The following PIEZO2 variants were observed in gnomAD, a reference collection of about 807,000 sequenced individuals.
PIEZO2 encodes the protein piezo type mechanosensitive ion channel component 2, also known as piezo-type mechanosensitive ion channel component 2.
Under a neutral mutation model 337.3 loss-of-function variants are expected in PIEZO2, and 172 were observed. The ratio of observed to expected loss-of-function variants is 0.51; its 90% CI spans 0.45 to 0.58. The LOEUF (loss-of-function observed/expected upper bound fraction) is 0.58. Among genes scored for constraint, PIEZO2 ranks in the 20% least tolerant of loss-of-function variants. The pLI, the probability that PIEZO2 is intolerant of heterozygous loss-of-function variation, is 0.00. For missense variants in PIEZO2, 3,028 were observed against 3,391.3 expected (o/e 0.89, Z 2.66); for synonymous variants, 1,251 against 1,228.5 (o/e 1.02, Z -0.38).
chr18:10,736,677 G>T lies in PIEZO2; in HGVS notation c.4742C>A (p.Thr1581Lys). The change falls in exon 34 of 56, where the codon ACG becomes AAG. Residue 1581 changes from threonine (T) to lysine (K), a missense_variant. By Grantham distance (78) the Thr-to-Lys change is moderately conservative (BLOSUM62 -1). Around this residue, in one of 5 missense-constraint regions of PIEZO2, gnomAD observed 1,925 missense variants for 2,051.9 expected, o/e 0.94. Coordinates refer to ENST00000674853, the MANE Select transcript of PIEZO2 (RefSeq NM_001378183.1). ...VRSGDYYLFE[T>K]DSEEEEEEEL... ...TTCCTCTTCCTCCTCTTCACTATCC[G>T]TTTCAAACAAATAATAATCTCCACT... 6.5e-7 allele frequency: 1 copy of T among 1,536,656 alleles called. No homozygotes were observed. The highest frequency in any genetic ancestry group is 8.7e-7 in the Non-Finnish European group (1 of 1,146,646).
chr18:10,741,779 T>C (rs1454776549), intron 32 of PIEZO2, among the ~76,000 whole-genome samples: 1 of 152,180 alleles, frequency 6.6e-6, no homozygotes, highest in Non-Finnish European at 1.5e-5. Flanking sequence ...AAAATACACA[T>C]ACATATTTCA....
At chr18:10,970,918 G>T (rs1568252807) in intron 3 of PIEZO2, among the ~76,000 whole-genome samples, 2 of 152,156 alleles carry the variant, frequency 1.3e-5, no homozygotes, top group South Asian at 4.1e-4. Context: ...CATAAATAGG[G>T]TTTCACAAGA....
chr18:10,722,154 A>G (rs1352670764), intron 36 of PIEZO2, among the ~76,000 whole-genome samples: 1 of 141,074 alleles, frequency 7.1e-6, no homozygotes, highest in African/African-American at 3.2e-5. Context: ...CATCTCAAAA[A>G]AAAAAAAAAA....
At chr18:10,809,092 A>C (rs2040092797) in intron 7 of PIEZO2, among the ~76,000 whole-genome samples, 1 of 152,148 alleles carries the variant, frequency 6.6e-6, no homozygotes. Flanking sequence ...GATTTTGCAC[A>C]TTCCTACACT....
intron 3 of PIEZO2, among the ~76,000 whole-genome samples, chr18:10,956,848 A>C (rs2033549871): frequency 6.6e-6 from 1 of 151,924 alleles, no homozygotes; most frequent in African/African-American, 2.4e-5. Flanking sequence ...GCGTGCCTGT[A>C]ATCCCAGCTA....
intron 7 of PIEZO2, among the ~76,000 whole-genome samples, chr18:10,822,715 A>G (rs1025281540): frequency 9.2e-5 from 14 of 152,174 alleles, no homozygotes; most frequent in African/African-American, 2.4e-4. Flanking sequence ...GATGTTATCA[A>G]TGCTTCTCTT....
chr18:10,706,370 C>T (rs763461544), intron 40 of PIEZO2, among the ~76,000 whole-genome samples: 3 of 152,296 alleles, frequency 2.0e-5, no homozygotes, highest in African/African-American at 7.2e-5. Context: ...ATCCCGTCTG[C>T]GGAATCTCCA....
Position 10,780,351 on chromosome 18 carries a change from A to G in PIEZO2, c.2508T>C (p.Asn836=), listed in dbSNP as rs1287008418. 4.6e-5 allele frequency: 32 copies of G among 703,010 alleles called. 1 individual carries two copies. The East Asian group carries it at 8.6e-4, about 19-fold the overall frequency. 43.5% of individuals were successfully genotyped at this position (703,010 alleles called of 1,614,324 possible). ...DNTIYSHAKV[N]GRVYLIINSI... ...TATTTATTATTAGATATACGCGACC[A>G]TTGACTTTGGCATGGCTACGAGGTG... is the stretch of plus-strand genomic sequence containing the variant. The change falls in exon 18 of 56, where the codon AAT becomes AAC. Residue 836 remains asparagine, a synonymous_variant. Coordinates refer to ENST00000674853, the MANE Select transcript of PIEZO2 (RefSeq NM_001378183.1).
rs763666028 is a variant in PIEZO2 at position 10,691,215 on chromosome 18, A to G, written c.7349+10T>C. 7 of 1,610,438 alleles carry G rather than the reference A, an allele frequency of 4.3e-6. No homozygotes were observed. The highest frequency in any genetic ancestry group is 1.1e-5 in the South Asian group (1 of 90,166). On this transcript the variant is annotated intron_variant, in intron 48 of 55. Coordinates refer to ENST00000674853, the MANE Select transcript of PIEZO2 (RefSeq NM_001378183.1). The stretch of plus-strand genomic sequence containing the variant: ...CCCATAAGTGACTGTGACGTTGCAG[A>G]GCGTCCTACCCTTGGAATAAGAAGA...
chr18:10,811,274 T>C (rs531783503), intron 7 of PIEZO2, among the ~76,000 whole-genome samples: 1 of 152,212 alleles, frequency 6.6e-6, no homozygotes, highest in Admixed American at 6.5e-5. Flanking sequence ...TCCACAACAA[T>C]GATATTTGTA....
At chr18:10,763,308 C>T (rs1568031129) in intron 21 of PIEZO2, 2 of 575,544 alleles carry the variant, frequency 3.5e-6, no homozygotes, top group Admixed American at 3.1e-5. Context: ...GTATGGCAGA[C>T]AGACATATCA....
chr18:11,033,966 T>C lies in PIEZO2; in HGVS notation c.160+32161A>G, dbSNP rs1308322614. Among the ~76,000 whole-genome samples the C allele has an allele frequency of 6.6e-6, 1 of 152,078 alleles. No individual in the cohort carries two copies. Among genetic ancestry groups the C allele is most frequent in the African/African-American group, 2.4e-5 (1 of 41,398 alleles). On this transcript the variant is annotated intron_variant, in intron 2 of 55. Coordinates refer to ENST00000674853, the MANE Select transcript of PIEZO2 (RefSeq NM_001378183.1). This position sits in a 1 kb window ranked among gnomAD's most constrained non-coding sequence, Gnocchi z 4.2. ...TATACGAGCTAATGTTGTGCTGATTTGAAACTGAAGGGGAAAAAAACCCTC... is the reference window on the plus strand; with the variant it reads ...TATACGAGCTAATGTTGTGCTGATTCGAAACTGAAGGGGAAAAAAACCCTC...
chr18:10,893,295 AGT>A (rs1395313142), intron 4 of PIEZO2, among the ~76,000 whole-genome samples: 2 of 152,220 alleles, frequency 1.3e-5, no homozygotes, highest in African/African-American at 4.8e-5. Flanking sequence ...ACATTTGAAC[AGT>A]GTGCATTTCT....
chr18:10,720,407 GTGTATGTGTATGTATA>G lies in PIEZO2; in HGVS notation c.5030-2164_5030-2149del, dbSNP rs2036244993. On this transcript the variant is annotated intron_variant, in intron 36 of 55. Coordinates refer to ENST00000674853, the MANE Select transcript of PIEZO2 (RefSeq NM_001378183.1). ...TGTGTGTGTGTGTGTGTGTGTGTAT[GTGTATGTGTATGTATA>G]TATATATATATATATATATATATAT... Among the ~76,000 whole-genome samples, 37 of 11,908 alleles carry G rather than the reference GTGTATGTGTATGTATA, an allele frequency of 3.1e-3. 2 individuals are homozygous for G. The highest frequency in any genetic ancestry group is 0.025 in the Middle Eastern group (1 of 40). The allele number at this position is 11,908 out of a possible 152,430, so 7.8% of individuals were successfully genotyped here.
rs76290028 is a variant in PIEZO2 at position 10,962,119 on chromosome 18, C to T, written c.286+17416G>A. The stretch of plus-strand genomic sequence containing the variant: ...AACTATATTAGCATGACAACAAATT[C>T]TTTATGTTGTGAGATTCTACTGATC... On this transcript the variant is annotated intron_variant, in intron 3 of 55. Coordinates refer to ENST00000674853, the MANE Select transcript of PIEZO2 (RefSeq NM_001378183.1). This position sits in a 1 kb window ranked among gnomAD's most constrained non-coding sequence, Gnocchi z 4.1. 0.019 allele frequency among the ~76,000 whole-genome samples: 2,819 copies of T among 152,184 alleles called. 103 individuals carry two copies. Among genetic ancestry groups the T allele is most frequent in the African/African-American group, 0.064 (2,641 of 41,506 alleles).
At chr18:10,916,542 C>T (rs1248315365) in intron 3 of PIEZO2, among the ~76,000 whole-genome samples, 1 of 152,180 alleles carries the variant, frequency 6.6e-6, no homozygotes, top group Non-Finnish European at 1.5e-5. Flanking sequence ...AAGCCCCTCA[C>T]TGCCAGGGCG....
In PIEZO2 at chr18:10,696,301, C is replaced by T. The variant is rs1391094341; in HGVS notation, c.6976-13G>A. 8.1e-6 allele frequency: 13 copies of T among 1,613,828 alleles called. No homozygotes were observed. Among genetic ancestry groups the T allele is most frequent in the African/African-American group, 1.3e-5 (1 of 74,922 alleles). ...CTGCTGAGTGTTTCTGGGGAAGAGACAACAAATTCATGCCCAAGAGAGGCA... is the reference window on the plus strand; with the variant it reads ...CTGCTGAGTGTTTCTGGGGAAGAGATAACAAATTCATGCCCAAGAGAGGCA... On this transcript the variant is annotated splice_polypyrimidine_tract_variant and intron_variant, in intron 46 of 55. Transcript: ENST00000674853.
At chr18:10,800,017 G>A (rs1316341941) in intron 11 of PIEZO2, among the ~76,000 whole-genome samples, 1 of 151,218 alleles carries the variant, frequency 6.6e-6, no homozygotes, top group African/African-American at 2.4e-5. Flanking sequence ...GAAAACCACT[G>A]ACCATAATTA....
rs913730798 is a variant in PIEZO2, at chr18:10,903,979, G to C, written c.329+7207C>G. The stretch of plus-strand genomic sequence containing the variant: ...ATAGATATCATTAGAATAGCACCTG[G>C]TACACAGCAGCAGCAGCTGCTCCAA... On this transcript the variant is annotated intron_variant, in intron 4 of 55. Coordinates refer to ENST00000674853, the MANE Select transcript of PIEZO2 (RefSeq NM_001378183.1). This position sits in a 1 kb window ranked among gnomAD's most constrained non-coding sequence, Gnocchi z 4.1. Among the ~76,000 whole-genome samples the C allele has an allele frequency of 6.6e-6, 1 of 152,060 alleles. No homozygotes were observed. The highest frequency in any genetic ancestry group is 1.5e-5 in the Non-Finnish European group (1 of 68,028).
Sources: allele counts gnomAD v4.1 joint callset (sites outside exome capture counted in the v4.1 genomes callset), GRCh38; gene constraint gnomAD v4.1.1; regional missense constraint gnomAD v4.1.1; non-coding constraint Gnocchi (gnomAD v3.1); transcripts MANE v1.5; gene names NCBI Gene and HGNC (gene_info 2026-07-23, HGNC 2026-07-21).